Variants in TMEM114 observed in about 807,000 individuals in gnomAD.
The protein encoded by TMEM114 is claudin-26.
In TMEM114, 6 loss-of-function variants were observed where a neutral mutation model predicts 6.2. The observed-to-expected ratio is 0.97, with a 90% CI of 0.53 to 1.91. The LOEUF (loss-of-function observed/expected upper bound fraction) is 1.91, where lower values mean the gene tolerates loss of function less well. Among genes scored for constraint, TMEM114 ranks in the 40% most tolerant of loss-of-function variants. The pLI is 0.01. For synonymous variants in TMEM114, 104 were observed against 73.0 expected (o/e 1.42, Z -2.16); for missense variants, 218 against 158.3 (o/e 1.38, Z -2.02).
chr16:8,558,306 C>A (rs1901081790), intron 2 of TMEM114, among the ~76,000 whole-genome samples: 1 of 152,112 alleles, frequency 6.6e-6, no homozygotes, highest in African/African-American at 2.4e-5. Flanking sequence ...GCCATGCACC[C>A]TCTGAGGACT....
At chr16:8,530,036 T>C in the TMEM114 span, among the ~76,000 whole-genome samples, 1 of 152,244 alleles carries the variant, frequency 6.6e-6, no homozygotes, top group Non-Finnish European at 1.5e-5. Flanking sequence ...GAAATTTTAC[T>C]CCATACCAAT....
chr16:8,545,640 G>C (rs867623351), intron 2 of TMEM114, among the ~76,000 whole-genome samples: 66 of 152,176 alleles, frequency 4.3e-4, no homozygotes, highest in African/African-American at 1.1e-3. Context: ...AGTGGGGTCT[G>C]AGAATTTGCT....
the TMEM114 span, among the ~76,000 whole-genome samples, chr16:8,529,075 C>T: frequency 3.3e-5 from 5 of 152,280 alleles, no homozygotes; most frequent in East Asian, 1.9e-4. Context: ...GAGAATCGTT[C>T]GGAGAGGACA....
intron 2 of TMEM114, among the ~76,000 whole-genome samples, chr16:8,541,986 T>G (rs1040885822): frequency 6.6e-6 from 1 of 152,094 alleles, no homozygotes; most frequent in Non-Finnish European, 1.5e-5. Context: ...CTCTAAGGGA[T>G]CCACCACCCT....
At chr16:8,558,766 G>A (rs773896891) in intron 2 of TMEM114, among the ~76,000 whole-genome samples, 1 of 150,718 alleles carries the variant, frequency 6.6e-6, no homozygotes, top group South Asian at 2.1e-4. Context: ...TTTCGACATG[G>A]AGTTTACTCT....
chr16:8,559,726 GA>G (rs139913744), intron 2 of TMEM114, among the ~76,000 whole-genome samples: 2,034 of 152,284 alleles, frequency 0.013, 124 homozygotes, highest in Admixed American at 0.11. Flanking sequence ...CCCTCACAAG[GA>G]GAAGGTGGCT....
At chr16:8,535,905 T>C (rs895594293), downstream of TMEM114, among the ~76,000 whole-genome samples, 1 of 152,088 alleles carries the variant, frequency 6.6e-6, no homozygotes, top group South Asian at 2.1e-4. Context: ...GTCCTCATGG[T>C]CAAAATGAAA....
intron 2 of TMEM114, among the ~76,000 whole-genome samples, chr16:8,562,424 ATAAG>A (rs1232255696): frequency 8.0e-5 from 9 of 111,984 alleles, no homozygotes; most frequent in South Asian, 3.5e-4. Context: ...GAGTGAGTGA[ATAAG>A]TGAGTGAGTG....
At chr16:8,565,584 C>G (rs539180570), downstream of TMEM114, among the ~76,000 whole-genome samples, 1 of 152,260 alleles carries the variant, frequency 6.6e-6, no homozygotes, top group African/African-American at 2.4e-5. Context: ...CCGGTTAGTC[C>G]AGCACACCTG....
At chr16:8,533,940 C>G (rs1280872354), downstream of TMEM114, among the ~76,000 whole-genome samples, 1 of 152,126 alleles carries the variant, frequency 6.6e-6, no homozygotes, top group Non-Finnish European at 1.5e-5. Context: ...AGTGTGACTC[C>G]TGCTGCTGTG....
At chr16:8,539,511 C>T (rs952007385) in intron 2 of TMEM114, among the ~76,000 whole-genome samples, 6 of 152,138 alleles carry the variant, frequency 3.9e-5, no homozygotes, top group Non-Finnish European at 8.8e-5. Flanking sequence ...TCCCTGCAGG[C>T]TCACACCACC....
intron 2 of TMEM114, among the ~76,000 whole-genome samples, chr16:8,544,064 G>T (rs183524128): frequency 6.6e-6 from 1 of 152,108 alleles, no homozygotes; most frequent in Non-Finnish European, 1.5e-5. Flanking sequence ...CATTAGCCTA[G>T]GTTTTCTTTT....
At chr16:8,568,831 C>T (rs778284008), downstream of TMEM114, among the ~76,000 whole-genome samples, 74 of 152,192 alleles carry the variant, frequency 4.9e-4, no homozygotes, top group Admixed American at 2.6e-3. Context: ...AATATCAGAT[C>T]AAGGATGTAG....
chr16:8,561,849 T>G (rs12919827), intron 2 of TMEM114, among the ~76,000 whole-genome samples: 91 of 148,532 alleles, frequency 6.1e-4, no homozygotes, highest in African/African-American at 2.2e-3. Flanking sequence ...AGTGAGTGAA[T>G]GAATGAGTGA....
At chr16:8,553,974 G>C (rs1447197865) in intron 2 of TMEM114, among the ~76,000 whole-genome samples, 1 of 151,792 alleles carries the variant, frequency 6.6e-6, no homozygotes, top group Non-Finnish European at 1.5e-5. Context: ...TGGCTCCCAG[G>C]TTCAAGCGAT....
At chr16:8,540,084 A>G (rs540072109) in intron 2 of TMEM114, among the ~76,000 whole-genome samples, 9 of 152,282 alleles carry the variant, frequency 5.9e-5, no homozygotes, top group African/African-American at 2.2e-4. Flanking sequence ...TCAGCCTCCC[A>G]AAGTGCTGGG....
At chr16:8,567,338 C>A (rs1596483121), downstream of TMEM114, among the ~76,000 whole-genome samples, 2 of 152,308 alleles carry the variant, frequency 1.3e-5, no homozygotes, top group Admixed American at 1.3e-4. Context: ...TGGCCACCCC[C>A]ATGAATGTGT....
chr16:8,559,528 ACT>A (rs1309932484), intron 2 of TMEM114, among the ~76,000 whole-genome samples: 1 of 152,176 alleles, frequency 6.6e-6, no homozygotes, highest in Non-Finnish European at 1.5e-5. Flanking sequence ...GAGGGAGCAA[ACT>A]CCACCAAGGA....
chr16:8,536,127 A>C (rs1472724240), downstream of TMEM114, among the ~76,000 whole-genome samples: 9 of 151,806 alleles, frequency 5.9e-5, no homozygotes, highest in African/African-American at 1.9e-4. Context: ...CGGGAGGCTG[A>C]GGCAGGACAA....
Sources: allele counts gnomAD v4.1 joint callset (sites outside exome capture counted in the v4.1 genomes callset), GRCh38; gene constraint gnomAD v4.1.1; transcripts MANE v1.5; gene names NCBI Gene and HGNC (gene_info 2026-07-23, HGNC 2026-07-21).